The following SHANK2 variants were observed in gnomAD, a reference collection of about 807,000 sequenced individuals.
The protein encoded by SHANK2 is SH3 and multiple ankyrin repeat domains 2.
Under a neutral mutation model 133.7 loss-of-function variants are expected in SHANK2, and 43 were observed. That is an observed-to-expected ratio of 0.32 (90% confidence interval 0.25 to 0.41). SHANK2 has a LOEUF of 0.41. Among genes scored for constraint, SHANK2 ranks in the 10% least tolerant of loss-of-function variants. The pLI, the probability that SHANK2 is intolerant of heterozygous loss-of-function variation, is 1.00. For missense variants in SHANK2, 1,994 were observed against 2,235.8 expected (o/e 0.89, Z 2.18); for synonymous variants, 1,017 against 952.8 (o/e 1.07, Z -1.24).
chr11:70,689,466 G>A (rs1945228260), intron 15 of SHANK2, among the ~76,000 whole-genome samples: 1 of 152,116 alleles, frequency 6.6e-6, no homozygotes, highest in Non-Finnish European at 1.5e-5. Context: ...ATGTGCAAAG[G>A]AAGCGCACAC....
intron 14 of SHANK2, among the ~76,000 whole-genome samples, chr11:70,764,796 C>T (rs1171835595): frequency 1.3e-5 from 2 of 151,162 alleles, no homozygotes; most frequent in African/African-American, 4.9e-5. Context: ...ACTCACACAT[C>T]CATCTGTGCT....
intron 14 of SHANK2, among the ~76,000 whole-genome samples, chr11:70,794,332 T>C (rs1264529079): frequency 1.3e-5 from 2 of 150,978 alleles, no homozygotes; most frequent in East Asian, 3.9e-4. Context: ...ACATAGCTGA[T>C]ATCACAGGCA....
intron 11 of SHANK2, among the ~76,000 whole-genome samples, chr11:70,874,946 A>G (rs2135555152): frequency 6.6e-6 from 1 of 152,368 alleles, no homozygotes; most frequent in South Asian, 2.1e-4. Context: ...AAGCCCACTC[A>G]TGCCTGAGAA....
intron 25 of SHANK2, among the ~76,000 whole-genome samples, chr11:70,478,585 G>A (rs781845264): frequency 6.6e-5 from 10 of 152,224 alleles, no homozygotes; most frequent in Non-Finnish European, 1.0e-4. Context: ...GAGGCAGCAA[G>A]TCCTTACCTA....
intron 14 of SHANK2, among the ~76,000 whole-genome samples, chr11:70,720,173 G>C (rs1946045035): frequency 1.3e-5 from 2 of 152,196 alleles, no homozygotes; most frequent in African/African-American, 2.4e-5. Flanking sequence ...CCAGGGCCTG[G>C]TACCTGGGAG....
At chr11:71,096,757 A>G (rs1226093525) in intron 6 of SHANK2, among the ~76,000 whole-genome samples, 3 of 152,220 alleles carry the variant, frequency 2.0e-5, no homozygotes, top group Non-Finnish European at 2.9e-5. Flanking sequence ...CTTTTGCCCA[A>G]TGCAAAAAGG....
intron 2 of SHANK2, among the ~76,000 whole-genome samples, chr11:71,176,651 A>C (rs1285332792): frequency 6.6e-6 from 1 of 152,196 alleles, no homozygotes; most frequent in African/African-American, 2.4e-5. Flanking sequence ...GAAACTGCCT[A>C]AAATGAAACA....
At chr11:71,079,892 GAAGGA>G (rs1951273312) in intron 8 of SHANK2, among the ~76,000 whole-genome samples, 3 of 59,698 alleles carry the variant, frequency 5.0e-5, no homozygotes, top group African/African-American at 6.4e-5. Context: ...GAGGGGAGGG[GAAGGA>G]AGGGGAGGGG....
At chr11:70,798,780 T>C (rs11237535) in intron 13 of SHANK2, among the ~76,000 whole-genome samples, 46,625 of 152,026 alleles carry the variant, frequency 0.31, 7,397 homozygotes, top group Admixed American at 0.35. Context: ...GCCCCTTAGG[T>C]GATGAGACAG....
At chr11:71,079,807 GAAAGAA>G (rs1270960217) in intron 8 of SHANK2, among the ~76,000 whole-genome samples, 1 of 137,154 alleles carries the variant, frequency 7.3e-6, no homozygotes, top group African/African-American at 2.7e-5. Context: ...GAGAGAGAGA[GAAAGAA>G]AAAGAGAAAG....
chr11:70,900,621 C>T (rs1950010212), intron 10 of SHANK2, among the ~76,000 whole-genome samples: 1 of 152,198 alleles, frequency 6.6e-6, no homozygotes, highest in Admixed American at 6.5e-5. Flanking sequence ...CAGGCACCTC[C>T]CTGCTGGTCT....
At chr11:70,949,194 A>T (rs573722967) in intron 10 of SHANK2, among the ~76,000 whole-genome samples, 1 of 152,368 alleles carries the variant, frequency 6.6e-6, no homozygotes, top group East Asian at 1.9e-4. Context: ...GGAAGAGAAA[A>T]GGCTAAAATC....
rs1215736594 is a variant in SHANK2 at position 70,901,112 on chromosome 11, AG to A, written c.1108-4546del. Among the ~76,000 whole-genome samples, 25 of 152,094 alleles carry A rather than the reference AG, an allele frequency of 1.6e-4. 2 individuals carry two copies. Among genetic ancestry groups the A allele is most frequent in the Non-Finnish European group, 1.5e-5 (1 of 68,022 alleles). On this transcript the variant is annotated intron_variant, in intron 10 of 25. Coordinates refer to ENST00000601538, the MANE Select transcript of SHANK2 (RefSeq NM_012309.5). ...GGGCACCATTATCTCTACTCGACAG[AG>A]GGGGAAACTGAGGCACAGAGCGATA...
intron 14 of SHANK2, chr11:70,705,325 T>TAAGAGGG (rs1250670543): frequency 6.6e-6 from 1 of 152,144 alleles, no homozygotes; most frequent in African/African-American, 2.4e-5. Context: ...GATACACATC[T>TAAGAGGG]CCATGGCCCT....
At chr11:71,167,295 C>CT (rs1953173419) in intron 2 of SHANK2, among the ~76,000 whole-genome samples, 1 of 151,912 alleles carries the variant, frequency 6.6e-6, no homozygotes, top group Non-Finnish European at 1.5e-5. Flanking sequence ...TCTCAATGAG[C>CT]TGTTGGGTAC....
rs112097964 is a variant in SHANK2 at position 71,092,409 on chromosome 11, C to T, written c.912+13G>A. Reference sequence around the variant, plus strand: ...TCGTGGGTACAACAGAGTGGAGAAGCGGGCCCACGTACCTGGTGGATCTCG... The same window carrying T: ...TCGTGGGTACAACAGAGTGGAGAAGTGGGCCCACGTACCTGGTGGATCTCG... On this transcript the variant is annotated intron_variant, in intron 8 of 25. Transcript: ENST00000601538. The T allele has an allele frequency of 7.3e-4, 1,139 of 1,550,852 alleles. 3 individuals carry two copies. The African/African-American group carries it at 0.014, about 19-fold the overall frequency.
At chr11:71,223,362 C>T (rs1954588887) in intron 2 of SHANK2, among the ~76,000 whole-genome samples, 1 of 152,234 alleles carries the variant, frequency 6.6e-6, no homozygotes, top group African/African-American at 2.4e-5. Flanking sequence ...ATATGCGTGG[C>T]TTCAGTTACC....
chr11:70,877,392 G>T (rs1949585505), intron 11 of SHANK2, among the ~76,000 whole-genome samples: 1 of 152,174 alleles, frequency 6.6e-6, no homozygotes, highest in Admixed American at 6.5e-5. Flanking sequence ...GCCGGCATAC[G>T]TCGCCTGACT....
At chr11:71,091,918 A>G (rs1265992813) in intron 8 of SHANK2, among the ~76,000 whole-genome samples, 1 of 152,182 alleles carries the variant, frequency 6.6e-6, no homozygotes, top group African/African-American at 2.4e-5. Flanking sequence ...ACAGCCGGTG[A>G]AATCTGTTTC....
Sources: gnomAD v4.1 joint callset for allele counts (sites outside exome capture counted in the v4.1 genomes callset) on GRCh38, gnomAD v4.1.1 for gene constraint, MANE v1.5 for transcripts, NCBI Gene and HGNC (gene_info 2026-07-23, HGNC 2026-07-21) for gene names.